NIPBL: variants seen among roughly 807,000 people sequenced by gnomAD.
The protein encoded by NIPBL is nipped-B-like protein.
NIPBL carries 19 observed loss-of-function variants against 321.8 expected under a neutral mutation model. That is an observed-to-expected ratio of 0.06 (90% confidence interval 0.04 to 0.09). The LOEUF (loss-of-function observed/expected upper bound fraction) is 0.09, where lower values mean the gene tolerates loss of function less well. Ranked by LOEUF, NIPBL falls within the 10% of genes least tolerant of loss-of-function variation. NIPBL has a pLI of 1.00. For synonymous variants in NIPBL, 1,106 were observed against 1,114.1 expected, an observed-to-expected ratio of 0.99 and a Z score of 0.14; for missense variants, 2,210 against 3,327.0, an observed-to-expected ratio of 0.66 and a Z score of 8.26.
intron 2 of NIPBL, among the ~76,000 whole-genome samples, chr5:36,954,461 A>G (rs187311887): frequency 1.3e-5 from 2 of 152,330 alleles, no homozygotes; most frequent in East Asian, 3.9e-4. Context: ...TGAGGTCTAA[A>G]TTAACAGGAG....
At chr5:36,946,824 T>C (rs1365387032) in intron 1 of NIPBL, among the ~76,000 whole-genome samples, 1 of 152,138 alleles carries the variant, frequency 6.6e-6, no homozygotes, top group Non-Finnish European at 1.5e-5. Context: ...TCAGAGACCT[T>C]GAACAGACAC....
At position 36,916,656 on chromosome 5, in the gene NIPBL, C is replaced by A. The variant is rs527608856; in HGVS notation, c.-79-36962C>A. On this transcript the variant is annotated intron_variant, in intron 1 of 46. Coordinates refer to ENST00000282516, the MANE Select transcript of NIPBL (RefSeq NM_133433.4). ...CTAATGCTATCCCTCCCCACTCCCC[C>A]CACCCCACAACAGGCCCCAGTGTGT... Among the ~76,000 whole-genome samples the A allele has an allele frequency of 2.4e-4, 37 of 152,164 alleles. No individual in the cohort carries two copies. In the South Asian group the frequency reaches 5.4e-3, roughly 22 times the overall value.
At chr5:36,878,263 G>A (rs982443169) in intron 1 of NIPBL, among the ~76,000 whole-genome samples, 1 of 152,198 alleles carries the variant, frequency 6.6e-6, no homozygotes, top group Non-Finnish European at 1.5e-5. Context: ...TTTGTGCCAT[G>A]ATGTTTGACT....
At chr5:37,011,553 T>A (rs1044858857) in intron 21 of NIPBL, among the ~76,000 whole-genome samples, 4 of 152,160 alleles carry the variant, frequency 2.6e-5, no homozygotes, top group Non-Finnish European at 4.4e-5. Context: ...AGAACCTGTC[T>A]AAAAATGAAT....
At chr5:36,890,137 C>T (rs1433402920) in intron 1 of NIPBL, among the ~76,000 whole-genome samples, 1 of 152,002 alleles carries the variant, frequency 6.6e-6, no homozygotes, top group Admixed American at 6.5e-5. Context: ...AAATGTTGCC[C>T]AGTATTTTGT....
At position 37,001,071 on chromosome 5, in the gene NIPBL, T is replaced by C; in HGVS notation, c.3657T>C (p.Thr1219=). The C allele has an allele frequency of 6.3e-7, 1 of 1,597,906 alleles. No individual in the cohort carries two copies. The highest frequency in any genetic ancestry group is 8.6e-7 in the Non-Finnish European group (1 of 1,166,986). ...ILDNLEDMDF[T]AFGDDDEIPQ... ...ATAATTTGGAAGATATGGATTTTAC[T>C]GCGTTTGGTAAAATCAACTTAAAAT... The change falls in exon 14 of 47, where the codon ACT becomes ACC. Residue 1219 remains threonine (T), a synonymous_variant. Transcript: ENST00000282516.
intron 1 of NIPBL, among the ~76,000 whole-genome samples, chr5:36,919,339 T>C (rs1748737062): frequency 6.6e-6 from 1 of 151,902 alleles, no homozygotes; most frequent in African/African-American, 2.4e-5. Context: ...ATAGTATGTC[T>C]CCCATTATCT....
At position 37,046,091 on chromosome 5, in the gene NIPBL, G is replaced by T; in HGVS notation, c.6499-18G>T. 1 of 1,241,526 alleles carries T rather than the reference G, an allele frequency of 8.1e-7. No homozygotes were observed. Among genetic ancestry groups the T allele is most frequent in the Non-Finnish European group, 1.2e-6 (1 of 840,792 alleles). The allele number at this position is 1,241,526 out of a possible 1,614,324, so 76.9% of individuals were successfully genotyped here. A position where few individuals can be genotyped will look rare whatever the true frequency, so the allele number is the denominator to read the frequency against. On this transcript the variant is annotated intron_variant, in intron 37 of 46. Coordinates refer to ENST00000282516, the MANE Select transcript of NIPBL (RefSeq NM_133433.4). The stretch of plus-strand genomic sequence containing the variant: ...AGTTACTGTTCATGAACACTTTAAT[G>T]TGTTTTCCTCCCCTTAGGTTAACAT...
chr5:36,897,879 T>G (rs905115117), intron 1 of NIPBL, among the ~76,000 whole-genome samples: 1 of 132,360 alleles, frequency 7.6e-6, no homozygotes, highest in African/African-American at 2.8e-5. Context: ...AAAGCTTGAG[T>G]CATACAGGGA....
chr5:37,063,742 G>A (rs756753315), intron 45 of NIPBL, 48 bp from the exon 46 acceptor site: 3 of 1,544,118 alleles, frequency 1.9e-6, no homozygotes, highest in Non-Finnish European at 2.6e-6. Flanking sequence ...TGACAATCTT[G>A]CTTGAAATAT....
intron 1 of NIPBL, among the ~76,000 whole-genome samples, chr5:36,947,719 C>G (rs193272571): frequency 6.6e-6 from 1 of 151,814 alleles, no homozygotes; most frequent in Admixed American, 6.6e-5. Flanking sequence ...TTAGTATTTT[C>G]CTGAATCATA....
intron 1 of NIPBL, among the ~76,000 whole-genome samples, chr5:36,883,767 C>CA (rs1328042469): frequency 6.6e-6 from 1 of 151,346 alleles, no homozygotes; most frequent in Non-Finnish European, 1.5e-5. Flanking sequence ...TGTGGGTTGC[C>CA]AGTTTTGAGC....
intron 1 of NIPBL, among the ~76,000 whole-genome samples, chr5:36,906,598 TG>T (rs1323208758): frequency 6.6e-6 from 1 of 152,202 alleles, no homozygotes; most frequent in African/African-American, 2.4e-5. Context: ...CGAAGTGAAG[TG>T]AAAATTTAAT....
At chr5:36,906,093 A>G (rs548436655) in intron 1 of NIPBL, among the ~76,000 whole-genome samples, 3 of 152,288 alleles carry the variant, frequency 2.0e-5, no homozygotes, top group Admixed American at 2.0e-4. Context: ...CTTACTACAT[A>G]TTAAAATGTC....
chr5:37,026,000 T>TA (rs1456423553), intron 30 of NIPBL, among the ~76,000 whole-genome samples: 1 of 152,146 alleles, frequency 6.6e-6, no homozygotes, highest in African/African-American at 2.4e-5. Flanking sequence ...AGGCTAGGGA[T>TA]AGTATCACCC....
At chr5:37,027,440 C>G (rs764143257) in intron 32 of NIPBL, 28 bp downstream of exon 32, 7 of 1,577,774 alleles carry the variant, frequency 4.4e-6, no homozygotes, top group African/African-American at 1.4e-5. Flanking sequence ...TCCTGATAAC[C>G]TAAAATTTAA....
intron 1 of NIPBL, 79 bp from the exon 2 acceptor site, chr5:36,953,539 T>A: frequency 1.5e-6 from 1 of 670,278 alleles, no homozygotes; most frequent in East Asian, 2.7e-5. Flanking sequence ...TAACTTTTTT[T>A]TATAGTGATT....
At chr5:37,017,724 T>A (rs1370705779) in intron 24 of NIPBL, among the ~76,000 whole-genome samples, 1 of 152,032 alleles carries the variant, frequency 6.6e-6, no homozygotes, top group Non-Finnish European at 1.5e-5. Context: ...TTTCTAGTCT[T>A]TTTTTATGCT....
Position 36,985,685 on chromosome 5 carries a change from G to A in NIPBL, c.2505G>A (p.Gly835=). The A allele has an allele frequency of 6.2e-7, 1 of 1,613,808 alleles. No homozygotes were observed. The highest frequency in any genetic ancestry group is 8.5e-7 in the Non-Finnish European group (1 of 1,179,954). ...GGGGTGAATCAGAGCGACATCGAGG[G>A]GATCAGTCTAGGGTTCGAAGACCAG... ...DDRGESERHR[G]DQSRVRRPET... is the part of the protein sequence containing the mutation. Residue 835 remains glycine (G), a synonymous_variant, in exon 10 of 47, where the codon GGG becomes GGA. Coordinates refer to ENST00000282516, the MANE Select transcript of NIPBL (RefSeq NM_133433.4).
Sources: allele counts gnomAD v4.1 joint callset (sites outside exome capture counted in the v4.1 genomes callset), GRCh38; gene constraint gnomAD v4.1.1; transcripts MANE v1.5; gene names NCBI Gene and HGNC (gene_info 2026-07-23, HGNC 2026-07-21).